Variants in COL25A1 observed in about 807,000 individuals in gnomAD.
The protein encoded by COL25A1 is collagen type XXV alpha 1 chain, also known as collagen alpha-1(XXV) chain.
A neutral mutation model predicts 128.4 loss-of-function variants in COL25A1; 103 were observed. The ratio of observed to expected loss-of-function variants is 0.80; its 90% CI spans 0.68 to 0.94. The LOEUF (loss-of-function observed/expected upper bound fraction) is 0.94, where lower values mean the gene tolerates loss of function less well. COL25A1 is among the 40% of genes least tolerant of loss of function. COL25A1 has a pLI of 0.00. For missense variants in COL25A1, 745 were observed against 840.0 expected (o/e 0.89, Z 1.40); for synonymous variants, 279 against 277.2 (o/e 1.01, Z -0.06).
intron 3 of COL25A1, among the ~76,000 whole-genome samples, chr4:109,151,757 C>T (rs777533655): frequency 4.6e-5 from 7 of 152,084 alleles, no homozygotes; most frequent in Non-Finnish European, 8.8e-5. Context: ...AAAATAAAGG[C>T]TTCCATGTTT....
At chr4:108,820,328 A>G (rs7673136) in intron 35 of COL25A1, among the ~76,000 whole-genome samples, 152,208 of 152,300 alleles carry the variant, frequency 1, 76,058 homozygotes, top group Middle Eastern at 1. Context: ...ATCCTGTAAC[A>G]GATGAAAGCT....
intron 3 of COL25A1, among the ~76,000 whole-genome samples, chr4:109,199,367 T>C (rs1260867963): frequency 6.6e-6 from 1 of 152,118 alleles, no homozygotes; most frequent in Non-Finnish European, 1.5e-5. Flanking sequence ...GTTGGTTTCG[T>C]ACTCTGGGCT....
At chr4:108,974,286 T>C (rs1321603613) in intron 8 of COL25A1, 81 bp downstream of exon 8, 2 of 1,454,156 alleles carry the variant, frequency 1.4e-6, no homozygotes, top group Non-Finnish European at 1.9e-6. Flanking sequence ...CAAAGGCAGT[T>C]ATGAAGCTGG....
chr4:109,030,921 T>C (rs1300957793), intron 5 of COL25A1, among the ~76,000 whole-genome samples: 2 of 151,988 alleles, frequency 1.3e-5, no homozygotes, highest in Admixed American at 1.3e-4. Context: ...TGTATTTGTT[T>C]GTAGAGACAG....
At chr4:109,053,997 G>A (rs1056288571) in intron 3 of COL25A1, among the ~76,000 whole-genome samples, 1 of 152,122 alleles carries the variant, frequency 6.6e-6, no homozygotes, top group Non-Finnish European at 1.5e-5. Flanking sequence ...TTACGAGAAT[G>A]GCTTAATGGT....
chr4:108,928,444 T>C (rs946004535), intron 11 of COL25A1, among the ~76,000 whole-genome samples: 2 of 152,208 alleles, frequency 1.3e-5, no homozygotes, highest in Non-Finnish European at 2.9e-5. Context: ...CAATCACATA[T>C]GGCTACTGAG....
intron 11 of COL25A1, 119 bp downstream of exon 11, chr4:108,937,689 C>A: frequency 1.3e-6 from 1 of 779,624 alleles, no homozygotes. Context: ...TTAACTTTTA[C>A]TAATTTTCAC....
intron 5 of COL25A1, among the ~76,000 whole-genome samples, chr4:109,041,342 C>T (rs1165730978): frequency 6.6e-6 from 1 of 150,942 alleles, no homozygotes; most frequent in African/African-American, 2.4e-5. Context: ...TTTTACAGAC[C>T]ACCCTTTAAA....
At chr4:109,028,983 G>GA (rs1758584086) in intron 5 of COL25A1, among the ~76,000 whole-genome samples, 1 of 152,156 alleles carries the variant, frequency 6.6e-6, no homozygotes, top group South Asian at 2.1e-4. Flanking sequence ...TACAGTGGTA[G>GA]AGATGGAGGC....
chr4:108,958,968 GC>G (rs1750371529), intron 8 of COL25A1, among the ~76,000 whole-genome samples: 1 of 151,914 alleles, frequency 6.6e-6, no homozygotes, highest in African/African-American at 2.4e-5. Context: ...CACTATTATA[GC>G]CTTTTTTTCT....
intron 5 of COL25A1, among the ~76,000 whole-genome samples, chr4:109,037,279 T>C (rs1477245176): frequency 1.3e-5 from 2 of 152,238 alleles, no homozygotes; most frequent in Non-Finnish European, 2.9e-5. Context: ...TTTCATTTAT[T>C]AATGGAAGTG....
chr4:109,157,752 T>C (rs997769596), intron 3 of COL25A1, among the ~76,000 whole-genome samples: 7 of 152,228 alleles, frequency 4.6e-5, no homozygotes, highest in African/African-American at 1.7e-4. Flanking sequence ...ACCATCTATA[T>C]ATAAAAAATA....
chr4:108,939,878 G>A (rs1348191704), intron 10 of COL25A1, among the ~76,000 whole-genome samples: 4 of 151,982 alleles, frequency 2.6e-5, no homozygotes, highest in Non-Finnish European at 5.9e-5. Context: ...ATTGACACTT[G>A]ACCAATCTTA....
chr4:108,913,261 C>CTTTTT (rs201929872), intron 13 of COL25A1, among the ~76,000 whole-genome samples: 32 of 92,416 alleles, frequency 3.5e-4, no homozygotes, highest in Middle Eastern at 0.01. Flanking sequence ...TCTCTAGCTC[C>CTTTTT]TTTTTTTTTT....
intron 5 of COL25A1, among the ~76,000 whole-genome samples, chr4:109,013,614 C>A (rs1413325268): frequency 6.6e-6 from 1 of 151,802 alleles, no homozygotes; most frequent in Non-Finnish European, 1.5e-5. Context: ...CTGAGGCCAG[C>A]GAGACCACAA....
At chr4:108,915,817 T>C (rs1393278786) in intron 13 of COL25A1, among the ~76,000 whole-genome samples, 4 of 152,340 alleles carry the variant, frequency 2.6e-5, no homozygotes, top group South Asian at 4.1e-4. Flanking sequence ...AAGAAAATGT[T>C]TTCTCAAGAC....
chr4:109,017,898 T>A (rs1757363923), intron 5 of COL25A1, among the ~76,000 whole-genome samples: 1 of 152,200 alleles, frequency 6.6e-6, no homozygotes, highest in Admixed American at 6.5e-5. Flanking sequence ...GACTACTACT[T>A]TTATTTTAGT....
intron 3 of COL25A1, among the ~76,000 whole-genome samples, chr4:109,233,755 A>T (rs1779300401): frequency 6.6e-6 from 1 of 152,200 alleles, no homozygotes; most frequent in Admixed American, 6.5e-5. Flanking sequence ...AAGCCCCATT[A>T]CTCATGCTGC....
chr4:108,961,612 T>TTCTGTTCTGTTCTGTTCTGC (rs1750704813), intron 8 of COL25A1, among the ~76,000 whole-genome samples: 4 of 152,196 alleles, frequency 2.6e-5, no homozygotes, highest in Admixed American at 6.5e-5. Flanking sequence ...TTCTGTTCTG[T>TTCTGTTCTGTTCTGTTCTGC]TCTGTTCTGT....
Sources: gnomAD v4.1 joint callset for allele counts (sites outside exome capture counted in the v4.1 genomes callset) on GRCh38, gnomAD v4.1.1 for gene constraint, MANE v1.5 for transcripts, NCBI Gene and HGNC (gene_info 2026-07-23, HGNC 2026-07-21) for gene names.